The following DCAF7 variants were observed in gnomAD, a reference collection of about 807,000 sequenced individuals.
The protein encoded by DCAF7 is DDB1 and CUL4 associated factor 7.
DCAF7 carries 4 observed loss-of-function variants against 41.2 expected under a neutral mutation model. That is an observed-to-expected ratio of 0.10 (90% confidence interval 0.05 to 0.22). DCAF7 has a LOEUF of 0.22. DCAF7 is among the 10% of genes least tolerant of loss of function. The pLI is 1.00. For missense variants in DCAF7, 131 were observed against 443.2 expected, an observed-to-expected ratio of 0.30 and a Z score of 6.32; for synonymous variants, 143 against 164.2, an observed-to-expected ratio of 0.87 and a Z score of 0.99.
At chr17:63,566,962 TTTTC>T (rs138533948) in intron 1 of DCAF7, among the ~76,000 whole-genome samples, 25,854 of 151,958 alleles carry the variant, frequency 0.17, 2,718 homozygotes, top group Middle Eastern at 0.3. Flanking sequence ...ATTTAAGCTT[TTTTC>T]TTTCTTTCTT....
At chr17:63,583,860 G>A in intron 5 of DCAF7, 149 bp downstream of exon 5, 1 of 810,188 alleles carries the variant, frequency 1.2e-6, no homozygotes. Flanking sequence ...CAGCTCTAGA[G>A]ACGCAGTTGG....
intron 1 of DCAF7, chr17:63,552,598 C>T (rs993208366): frequency 2.6e-5 from 4 of 152,198 alleles, no homozygotes; most frequent in Admixed American, 6.5e-5. Flanking sequence ...TTTAAAGATA[C>T]ACGTGGAAAA....
intron 1 of DCAF7, among the ~76,000 whole-genome samples, chr17:63,575,010 A>C (rs1230650822): frequency 2.6e-5 from 4 of 152,074 alleles, no homozygotes; most frequent in African/African-American, 9.7e-5. Context: ...AATAGCATAA[A>C]ACTTGTGTAG....
chr17:63,577,832 A>AG lies in DCAF7; in HGVS notation c.139-634dup, dbSNP rs11417854. ...ACCCCTGGTCATTTTCAAATACCTT[A>AG]GGGGTTTCAGGGGAAGGTGTGCCTG... is the stretch of plus-strand genomic sequence containing the variant. On this transcript the variant is annotated intron_variant, in intron 1 of 6. Coordinates refer to ENST00000614556, the MANE Select transcript of DCAF7 (RefSeq NM_005828.5). Among the ~76,000 whole-genome samples, 541 of 152,264 alleles carry AG rather than the reference A, an allele frequency of 3.6e-3. 4 individuals carry two copies. Among genetic ancestry groups the AG allele is most frequent in the African/African-American group, 0.013 (524 of 41,554 alleles).
At chr17:63,559,357 ATGTATG>A (rs2033347582) in intron 1 of DCAF7, among the ~76,000 whole-genome samples, 1 of 130,298 alleles carries the variant, frequency 7.7e-6, no homozygotes, top group African/African-American at 3.2e-5. Context: ...ACGTATATAT[ATGTATG>A]TATATATATA....
At chr17:63,559,387 GTATATATATATGTA>G (rs1568097781) in intron 1 of DCAF7, among the ~76,000 whole-genome samples, 1 of 37,462 alleles carries the variant, frequency 2.7e-5, no homozygotes, top group Non-Finnish European at 5.9e-5. Flanking sequence ...GTATATATAT[GTATATATATATGTA>G]TATATATGTA....
At chr17:63,554,198 C>G (rs2033287269) in intron 1 of DCAF7, among the ~76,000 whole-genome samples, 1 of 152,208 alleles carries the variant, frequency 6.6e-6, no homozygotes, top group Admixed American at 6.5e-5. Context: ...GAGCCAGACC[C>G]TGTCTCAAAA....
At chr17:63,576,125 A>G (rs1003502921) in intron 1 of DCAF7, among the ~76,000 whole-genome samples, 1 of 152,200 alleles carries the variant, frequency 6.6e-6, no homozygotes, top group African/African-American at 2.4e-5. Context: ...TGATGCTGGA[A>G]GAGTCAGACG....
At chr17:63,587,986 A>T (rs1488214434) in intron 6 of DCAF7, among the ~76,000 whole-genome samples, 3 of 117,670 alleles carry the variant, frequency 2.5e-5, no homozygotes, top group African/African-American at 1.7e-4. Flanking sequence ...ACTCCATTTA[A>T]AAAAAAAAAA....
chr17:63,556,905 G>A (rs990500528), intron 1 of DCAF7, among the ~76,000 whole-genome samples: 1 of 152,118 alleles, frequency 6.6e-6, no homozygotes, highest in Non-Finnish European at 1.5e-5. Flanking sequence ...GCATGCACCT[G>A]TAGTCCCAGC....
At chr17:63,557,547 C>T (rs1386453271) in intron 1 of DCAF7, among the ~76,000 whole-genome samples, 1 of 151,250 alleles carries the variant, frequency 6.6e-6, no homozygotes, top group East Asian at 1.9e-4. Context: ...GATGAACACA[C>T]AGTGCTGAAA....
chr17:63,575,437 C>T (rs545059856), intron 1 of DCAF7, among the ~76,000 whole-genome samples: 8 of 152,058 alleles, frequency 5.3e-5, no homozygotes, highest in South Asian at 2.1e-4. Flanking sequence ...TAGTGGTTCA[C>T]GCCTGTAATA....
At chr17:63,559,337 ACATATATATACG>A (rs1442861318) in intron 1 of DCAF7, among the ~76,000 whole-genome samples, 12 of 22,924 alleles carry the variant, frequency 5.2e-4, no homozygotes, top group African/African-American at 1.2e-3. Context: ...ATATATACAT[ACATATATATACG>A]TATATATATG....
In DCAF7 at chr17:63,592,443, T is replaced by C. The variant is rs2033744813; in HGVS notation, c.*3271T>C. 6.6e-6 allele frequency: 1 copy of C among 151,930 alleles called. No homozygotes were observed. Among genetic ancestry groups the C allele is most frequent in the Non-Finnish European group, 1.5e-5 (1 of 67,998 alleles). 9.4% of individuals were successfully genotyped at this position (151,930 alleles called of 1,614,324 possible). ...AAAAAAAAAATAGGTGAAAATTCCT[T>C]ATAAATCCAGGATTGGCTCTGAGAG... On this transcript the variant is annotated 3_prime_UTR_variant, in exon 7 of 7. Coordinates refer to ENST00000614556, the MANE Select transcript of DCAF7 (RefSeq NM_005828.5).
chr17:63,564,186 T>G (rs1190480909), intron 1 of DCAF7, among the ~76,000 whole-genome samples: 2 of 149,448 alleles, frequency 1.3e-5, no homozygotes, highest in African/African-American at 4.9e-5. Flanking sequence ...CACACACACC[T>G]GTGTTTTGTT....
chr17:63,580,059 ATCT>A, intron 4 of DCAF7, 116 bp downstream of exon 4: 2 of 750,288 alleles, frequency 2.7e-6, no homozygotes, highest in Middle Eastern at 2.3e-4. Context: ...ATAACATAAC[ATCT>A]TCTTGTCTAA....
At chr17:63,581,173 C>G (rs1019459574) in intron 4 of DCAF7, among the ~76,000 whole-genome samples, 1 of 152,114 alleles carries the variant, frequency 6.6e-6, no homozygotes, top group African/African-American at 2.4e-5. Flanking sequence ...AAGAGTTTGT[C>G]CCACAGAGAG....
At chr17:63,581,104 A>G (rs193043486) in intron 4 of DCAF7, among the ~76,000 whole-genome samples, 62 of 152,300 alleles carry the variant, frequency 4.1e-4, no homozygotes, top group Non-Finnish European at 1.0e-4. Context: ...TGTACTCCTG[A>G]AGGTAAGCCC....
chr17:63,558,693 CA>C (rs1241968894), intron 1 of DCAF7, among the ~76,000 whole-genome samples: 6 of 152,104 alleles, frequency 3.9e-5, no homozygotes, highest in Admixed American at 6.5e-5. Flanking sequence ...TGACCTCAAA[CA>C]GTCCTCCTGC....
Sources: gnomAD v4.1 joint callset for allele counts (sites outside exome capture counted in the v4.1 genomes callset) on GRCh38, gnomAD v4.1.1 for gene constraint, MANE v1.5 for transcripts, NCBI Gene and HGNC (gene_info 2026-07-23, HGNC 2026-07-21) for gene names.